The following DCAF6 variants were observed in gnomAD, a reference collection of about 807,000 sequenced individuals.
The protein encoded by DCAF6 is DDB1- and CUL4-associated factor 6.
Under a neutral mutation model 125.1 loss-of-function variants are expected in DCAF6, and 54 were observed. The ratio of observed to expected loss-of-function variants is 0.43; its 90% CI spans 0.35 to 0.54. The LOEUF is 0.54. Ranked by LOEUF, DCAF6 falls within the 20% of genes least tolerant of loss-of-function variation. DCAF6 has a pLI of 0.01. For synonymous variants in DCAF6, 371 were observed against 390.4 expected (o/e 0.95, Z 0.58); for missense variants, 934 against 1,161.7 (o/e 0.80, Z 2.85).
chr1:167,972,980 A>G (rs577821824), intron 3 of DCAF6, among the ~76,000 whole-genome samples: 2 of 152,356 alleles, frequency 1.3e-5, no homozygotes, highest in South Asian at 4.1e-4. Context: ...GAGGTAAATC[A>G]TAAATTTTTA....
At chr1:167,882,821 C>T in the DCAF6 span, among the ~76,000 whole-genome samples, 1 of 152,234 alleles carries the variant, frequency 6.6e-6, no homozygotes, top group South Asian at 2.1e-4. Context: ...ATAAGCAAAA[C>T]GTAATCTCGC....
At chr1:167,936,065 G>T, upstream of DCAF6, 2 of 585,550 alleles carry the variant, frequency 3.4e-6, no homozygotes, top group Non-Finnish European at 6.2e-6. Context: ...CCAGCCCCCG[G>T]TCCGCCTCCG....
In DCAF6 at chr1:167,974,829, G is replaced by T; in HGVS notation, c.253-1G>T. The T allele has an allele frequency of 6.6e-7, 1 of 1,518,460 alleles. No individual in the cohort carries two copies. The highest frequency in any genetic ancestry group is 8.8e-7 in the Non-Finnish European group (1 of 1,133,514). The allele number at this position is 1,518,460 out of a possible 1,614,324, so 94.1% of individuals were successfully genotyped here. ...TTAACTGCTTTCTTTGTGTGTTTTA[G>T]GTTTTGACAACAATTCGTTCAGGGC... On this transcript the variant is annotated splice_acceptor_variant, in intron 3 of 21. Transcript: ENST00000367840. LOFTEE classifies it high-confidence loss of function.
intron 2 of DCAF6, among the ~76,000 whole-genome samples, chr1:167,953,362 C>A (rs966305266): frequency 1.3e-5 from 2 of 152,144 alleles, no homozygotes; most frequent in African/African-American, 4.8e-5. Context: ...TGGTCAGTAT[C>A]TTTCTCCTTA....
At chr1:167,936,072 T>C (rs1490535500), upstream of DCAF6, 15 of 573,626 alleles carry the variant, frequency 2.6e-5, no homozygotes, top group Middle Eastern at 4.8e-4. Flanking sequence ...CCGGTCCGCC[T>C]CCGGCCCCCG....
At chr1:167,938,124 C>T (rs1249793441) in intron 1 of DCAF6, among the ~76,000 whole-genome samples, 5 of 152,080 alleles carry the variant, frequency 3.3e-5, no homozygotes, top group African/African-American at 1.2e-4. Context: ...AAAAATGAAG[C>T]AAAAATCCCT....
chr1:168,032,054 C>T (rs1687169013), intron 12 of DCAF6, among the ~76,000 whole-genome samples: 1 of 152,096 alleles, frequency 6.6e-6, no homozygotes, highest in Non-Finnish European at 1.5e-5. Context: ...TATGTTATGT[C>T]ATGAAAAAAG....
At chr1:167,900,177 T>C in the DCAF6 span, among the ~76,000 whole-genome samples, 1 of 152,346 alleles carries the variant, frequency 6.6e-6, no homozygotes, top group African/African-American at 2.4e-5. Flanking sequence ...ATATGACATG[T>C]ACACAAAATA....
the DCAF6 span, among the ~76,000 whole-genome samples, chr1:167,926,640 G>C: frequency 1.3e-5 from 2 of 151,998 alleles, no homozygotes; most frequent in Non-Finnish European, 2.9e-5. Flanking sequence ...TGCTGCCGCT[G>C]CTGCTGCCGT....
At chr1:167,870,293 A>C in the DCAF6 span, 36 of 1,613,976 alleles carry the variant, frequency 2.2e-5, no homozygotes, top group Non-Finnish European at 2.9e-5. Context: ...CTCAATTTTC[A>C]TAAGTATCTG....
At chr1:167,956,971 A>C (rs1674879024) in intron 2 of DCAF6, among the ~76,000 whole-genome samples, 1 of 152,140 alleles carries the variant, frequency 6.6e-6, no homozygotes, top group Admixed American at 6.6e-5. Context: ...TTTGTGGCCC[A>C]GAATGTTGTC....
Position 168,044,633 on chromosome 1 carries a change from T to C in DCAF6, c.1892T>C (p.Val631Ala), listed in dbSNP as rs1688938599. ...SEDVTKYQEG[V>A]SAENPVENHI... ...GATGTGACAAAATATCAGGAAGGAG[T>C]ATCTGCAGAAAACCCAGTTGAGAAC... The change falls in exon 15 of 22, where the codon GTA becomes GCA. Residue 631 changes from valine (V) to alanine (A), a missense_variant. Physicochemically the swap from Val to Ala is moderately conservative, Grantham distance 64. Coordinates refer to ENST00000367840, the MANE Select transcript of DCAF6 (RefSeq NM_001198956.2). 3 of 1,613,066 alleles carry C rather than the reference T, an allele frequency of 1.9e-6. No individual in the cohort carries two copies. Among genetic ancestry groups the C allele is most frequent in the African/African-American group, 2.7e-5 (2 of 74,790 alleles).
chr1:167,893,829 C>T, the DCAF6 span: 1 of 1,552,520 alleles, frequency 6.4e-7, no homozygotes, highest in Non-Finnish European at 8.9e-7. Context: ...TCCCCAAAGC[C>T]AGTAAATTCA....
intron 4 of DCAF6, among the ~76,000 whole-genome samples, chr1:167,976,567 A>G (rs538626565): frequency 1.3e-5 from 2 of 152,318 alleles, no homozygotes; most frequent in East Asian, 1.9e-4. Flanking sequence ...TAAGATAGAC[A>G]TTCATTTTTG....
At chr1:168,002,382 AAGT>A (rs1682772229) in intron 7 of DCAF6, 97 bp from the exon 8 acceptor site, 1 of 991,546 alleles carries the variant, frequency 1.0e-6, no homozygotes, top group Admixed American at 1.9e-5. Flanking sequence ...CATACTCAAG[AAGT>A]AGGGAGATGG....
chr1:168,053,266 C>G (rs1283887782), intron 17 of DCAF6, among the ~76,000 whole-genome samples: 2 of 152,126 alleles, frequency 1.3e-5, no homozygotes, highest in African/African-American at 4.8e-5. Context: ...AGAATGTAAG[C>G]ACCTTTAAGG....
intron 13 of DCAF6, among the ~76,000 whole-genome samples, chr1:168,038,843 C>T (rs942367441): frequency 6.6e-6 from 1 of 151,906 alleles, no homozygotes; most frequent in African/African-American, 2.4e-5. Flanking sequence ...TTTTTGCAGT[C>T]GTGGTCCTAG....
intron 17 of DCAF6, chr1:168,056,026 G>C (rs1279436492): frequency 6.3e-7 from 1 of 1,596,862 alleles, no homozygotes; most frequent in Admixed American, 1.7e-5. Flanking sequence ...TTGTTTACAA[G>C]TCCTGGATTT....
chr1:167,879,975 C>T, the DCAF6 span: 1 of 742,914 alleles, frequency 1.3e-6, no homozygotes, highest in Non-Finnish European at 2.4e-6. Context: ...GGCTCCATGG[C>T]TTGGCTCCAT....
Sources: gnomAD v4.1 joint callset for allele counts (sites outside exome capture counted in the v4.1 genomes callset) on GRCh38, gnomAD v4.1.1 for gene constraint, MANE v1.5 for transcripts, NCBI Gene and HGNC (gene_info 2026-07-23, HGNC 2026-07-21) for gene names.